Variants in CDH23 observed in about 807,000 individuals in gnomAD.
CDH23 encodes cadherin-23.
A neutral mutation model predicts 317.1 loss-of-function variants in CDH23; 189 were observed. That is an observed-to-expected ratio of 0.60 (90% CI 0.53 to 0.67). CDH23 has a LOEUF of 0.67. CDH23 is among the 30% of genes least tolerant of loss of function. The probability of loss-of-function intolerance (pLI) is 0.00; values close to 1 mark genes in which losing one functional copy is unlikely to be tolerated. For missense variants in CDH23, 4,401 were observed against 4,592.4 expected, an observed-to-expected ratio of 0.96 and a Z score of 1.20; for synonymous variants, 1,839 against 1,876.8, an observed-to-expected ratio of 0.98 and a Z score of 0.52.
intron 9 of CDH23, among the ~76,000 whole-genome samples, chr10:71,593,520 G>A (rs1859637981): frequency 6.6e-6 from 1 of 152,218 alleles, no homozygotes; most frequent in African/African-American, 2.4e-5. Context: ...AAAGTTAACA[G>A]CAAATGATAT....
chr10:71,404,156 T>C (rs1379311731), intron 1 of CDH23, among the ~76,000 whole-genome samples: 9 of 152,230 alleles, frequency 5.9e-5, no homozygotes, highest in Admixed American at 3.9e-4. Flanking sequence ...CAACAGATCT[T>C]AAGTGGAAGT....
At position 71,730,557 on chromosome 10, in the gene CDH23, G is replaced by A. The variant is rs771217536; in HGVS notation, c.3668G>A (p.Gly1223Asp). Residue 1223 changes from glycine (G) to aspartate (D), a missense_variant, in exon 31 of 70, where the codon GGC (glycine) becomes GAC (aspartate). Transcript: ENST00000224721. ...YSRLGLRETA[G>D]IGTSVIVVQA... The stretch of plus-strand genomic sequence containing the variant: ...CGTCTGGGGCTTCGAGAGACCGCAG[G>A]CATTGGAACGTCAGTCATCGTGGTC... The A allele has an allele frequency of 2.5e-6, 4 of 1,613,966 alleles. No homozygotes were observed. Among genetic ancestry groups the A allele is most frequent in the African/African-American group, 1.3e-5 (1 of 75,064 alleles).
intron 1 of CDH23, among the ~76,000 whole-genome samples, chr10:71,439,608 G>A (rs1701612225): frequency 6.6e-6 from 1 of 152,234 alleles, no homozygotes; most frequent in South Asian, 2.1e-4. Flanking sequence ...TGACTCACAG[G>A]CCACTGTGCT....
chr10:71,458,776 G>C (rs988996611), intron 3 of CDH23, among the ~76,000 whole-genome samples: 3 of 152,106 alleles, frequency 2.0e-5, no homozygotes, highest in East Asian at 1.9e-4. Flanking sequence ...TTAAAGTAAG[G>C]GTTTTTTGTT....
At chr10:71,724,444 C>CT (rs1182912274) in intron 29 of CDH23, among the ~76,000 whole-genome samples, 1 of 152,224 alleles carries the variant, frequency 6.6e-6, no homozygotes, top group East Asian at 1.9e-4. Flanking sequence ...TCCCCAGTAG[C>CT]TGGGACTACA....
At chr10:71,677,772 T>C in intron 16 of CDH23, 79 bp downstream of exon 16, 1 of 1,269,622 alleles carries the variant, frequency 7.9e-7, no homozygotes, top group Non-Finnish European at 1.1e-6. Flanking sequence ...TTCTTTTTTG[T>C]TTTTGTTTTT....
chr10:71,423,341 G>A (rs1848900017), intron 1 of CDH23, among the ~76,000 whole-genome samples: 1 of 152,226 alleles, frequency 6.6e-6, no homozygotes, highest in Admixed American at 6.5e-5. Flanking sequence ...ACTTGCTGTG[G>A]ATTTGGTGCC....
intron 1 of CDH23, among the ~76,000 whole-genome samples, chr10:71,410,459 A>C (rs1848299812): frequency 6.6e-6 from 1 of 152,212 alleles, no homozygotes; most frequent in African/African-American, 2.4e-5. Flanking sequence ...GAGGGCAGGA[A>C]GAGAGGCAAA....
intron 44 of CDH23, 68 bp downstream of exon 44, chr10:71,785,806 C>T (rs1180432352): frequency 1.0e-6 from 1 of 952,442 alleles, no homozygotes; most frequent in African/African-American, 1.6e-5. Context: ...AACACATCAC[C>T]CCTCCTGCAG....
At position 71,677,639 on chromosome 10, in the gene CDH23, C is replaced by T. The variant is rs373296547; in HGVS notation, c.1698C>T (p.Tyr566=). ...TGCCCACCTTCCAGAAGGATGCCTA[C>T]GTGGGTGCTCTGCGGGAGAACGAGC... The part of the protein sequence containing the change: ...DNVPTFQKDA[Y]VGALRENEPS... Residue 566 remains tyrosine (Y), a synonymous_variant, in exon 16 of 70, where the codon TAC becomes TAT. Transcript: ENST00000224721. 1.0e-5 allele frequency: 16 copies of T among 1,591,012 alleles called. No homozygotes were observed. Among genetic ancestry groups the T allele is most frequent in the South Asian group, 4.6e-5 (4 of 87,170 alleles).
chr10:71,799,270 C>T lies in CDH23; in HGVS notation c.7214C>T (p.Pro2405Leu), dbSNP rs2132968136. Residue 2405 changes from proline (P) to leucine (L), a missense_variant, in exon 51 of 70, where the codon CCC becomes CTC. Coordinates refer to ENST00000224721, the MANE Select transcript of CDH23 (RefSeq NM_022124.6). ...GACAACAACCCCATCTTTGACCAGC[C>T]CTCCTACCAGGTGGGTGGCCAGGCC... is the stretch of plus-strand genomic sequence containing the variant. ...INDNNPIFDQPSYQEAVFEDV... is the reference protein window; with the variant it reads ...INDNNPIFDQLSYQEAVFEDV... The T allele has an allele frequency of 6.2e-7, 1 of 1,614,040 alleles. No homozygotes were observed. The highest frequency in any genetic ancestry group is 1.1e-5 in the South Asian group (1 of 91,082).
At chr10:71,632,480 A>G (rs1202752664) in intron 11 of CDH23, among the ~76,000 whole-genome samples, 1 of 152,206 alleles carries the variant, frequency 6.6e-6, no homozygotes, top group Non-Finnish European at 1.5e-5. Flanking sequence ...GTGGGCAATG[A>G]CAGAGAGCAC....
intron 9 of CDH23, among the ~76,000 whole-genome samples, chr10:71,595,626 G>A (rs964055649): frequency 7.2e-5 from 11 of 152,020 alleles, no homozygotes; most frequent in Non-Finnish European, 1.3e-4. Context: ...CCAAACACAC[G>A]GCCCTCACAA....
chr10:71,576,256 C>T (rs1265297670), intron 8 of CDH23, among the ~76,000 whole-genome samples: 2 of 152,202 alleles, frequency 1.3e-5, no homozygotes, highest in Non-Finnish European at 2.9e-5. Context: ...ATGCAATTGC[C>T]CCTGAGTACT....
At position 71,397,950 on chromosome 10, in the gene CDH23, T is replaced by C. The variant is rs1002638783; in HGVS notation, c.-6+632T>C. Among the ~76,000 whole-genome samples the C allele has an allele frequency of 3.3e-5, 5 of 152,244 alleles. No individual in the cohort carries two copies. The highest frequency in any genetic ancestry group is 7.3e-5 in the Non-Finnish European group (5 of 68,042). On this transcript the variant is annotated intron_variant, in intron 1 of 69. Coordinates refer to ENST00000224721, the MANE Select transcript of CDH23 (RefSeq NM_022124.6). This position sits in a 1 kb window ranked among gnomAD's most constrained non-coding sequence, Gnocchi z 4.8. ...GCCGGGAGCCTTTTGCGGCTCTCGC[T>C]TCGCCTTCCTGGCCCTGGAACTGGT...
chr10:71,482,296 C>T (rs893191237), intron 3 of CDH23, among the ~76,000 whole-genome samples: 1 of 152,148 alleles, frequency 6.6e-6, no homozygotes, highest in African/African-American at 2.4e-5. Flanking sequence ...TTTCTTTATT[C>T]CCTCTAGTAT....
In CDH23 at chr10:71,724,112, G is replaced by A; in HGVS notation, c.3430+7G>A. ...TGGTACCGCATCCTCCATGGTAAGT[G>A]GGGCTGCCCTAGGATGGGGGGCGGT... On this transcript the variant is annotated splice_region_variant and intron_variant, in intron 29 of 69. Coordinates refer to ENST00000224721, the MANE Select transcript of CDH23 (RefSeq NM_022124.6). 1.3e-6 allele frequency: 2 copies of A among 1,555,618 alleles called. No individual in the cohort carries two copies. The highest frequency in any genetic ancestry group is 1.7e-6 in the Non-Finnish European group (2 of 1,149,138).
At chr10:71,445,306 C>T (rs1319693316) in intron 2 of CDH23, among the ~76,000 whole-genome samples, 1 of 152,182 alleles carries the variant, frequency 6.6e-6, no homozygotes, top group East Asian at 1.9e-4. Context: ...AGAAGGGGTT[C>T]CTGAGATGGC....
intron 46 of CDH23, chr10:71,790,673 G>A (rs1841226043): frequency 1.9e-6 from 1 of 528,116 alleles, no homozygotes. Context: ...GAGCCCCCCA[G>A]CCCACTCCCG....
Sources: allele counts gnomAD v4.1 joint callset (sites outside exome capture counted in the v4.1 genomes callset), GRCh38; gene constraint gnomAD v4.1.1; non-coding constraint Gnocchi (gnomAD v3.1); transcripts MANE v1.5; gene names NCBI Gene and HGNC (gene_info 2026-07-23, HGNC 2026-07-21).